BTBD10: variants seen among roughly 807,000 people sequenced by gnomAD.
BTBD10 encodes the protein BTB domain containing 10.
Under a neutral mutation model 53.2 loss-of-function variants are expected in BTBD10, and 21 were observed. That is an observed-to-expected ratio of 0.39 (90% CI 0.28 to 0.57). The LOEUF (loss-of-function observed/expected upper bound fraction) is 0.57, where lower values mean the gene tolerates loss of function less well. Ranked by LOEUF, BTBD10 falls within the 20% of genes least tolerant of loss-of-function variation. The probability of loss-of-function intolerance (pLI) is 0.53; values close to 1 mark genes in which losing one functional copy is unlikely to be tolerated. For synonymous variants in BTBD10, 149 were observed against 192.7 expected, an observed-to-expected ratio of 0.77 and a Z score of 1.88; for missense variants, 360 against 594.7, an observed-to-expected ratio of 0.61 and a Z score of 4.10.
chr11:13,443,913 A>G (rs1206208647), intron 2 of BTBD10, among the ~76,000 whole-genome samples: 2 of 152,090 alleles, frequency 1.3e-5, no homozygotes, highest in African/African-American at 4.8e-5. Context: ...CTAAATGACA[A>G]AATAATATCC....
At chr11:13,459,086 T>G (rs1355246780) in intron 1 of BTBD10, among the ~76,000 whole-genome samples, 1 of 149,502 alleles carries the variant, frequency 6.7e-6, no homozygotes, top group African/African-American at 2.5e-5. Flanking sequence ...AGACGGAGTC[T>G]CGCTCTGTCG....
chr11:13,408,987 A>T (rs755641669), intron 6 of BTBD10, among the ~76,000 whole-genome samples: 6 of 152,210 alleles, frequency 3.9e-5, no homozygotes, highest in Non-Finnish European at 7.4e-5. Flanking sequence ...AAATGGTACA[A>T]TGTGACAGCC....
chr11:13,396,218 G>C (rs1323694070), intron 8 of BTBD10, among the ~76,000 whole-genome samples: 5 of 152,004 alleles, frequency 3.3e-5, no homozygotes, highest in Non-Finnish European at 7.4e-5. Flanking sequence ...ATTTCACTGA[G>C]CAGTGGTTTG....
intron 8 of BTBD10, among the ~76,000 whole-genome samples, chr11:13,392,296 G>T (rs1949429347): frequency 6.6e-6 from 1 of 152,142 alleles, no homozygotes; most frequent in Non-Finnish European, 1.5e-5. Context: ...AGCAAGATTG[G>T]GATGGGCAGA....
intron 8 of BTBD10, among the ~76,000 whole-genome samples, chr11:13,397,729 C>G (rs1449496014): frequency 1.3e-5 from 2 of 152,184 alleles, no homozygotes; most frequent in Non-Finnish European, 2.9e-5. Flanking sequence ...CCCAGAGATT[C>G]TGGTATGTTG....
intron 2 of BTBD10, among the ~76,000 whole-genome samples, chr11:13,422,400 C>A (rs892791925): frequency 1.3e-5 from 2 of 152,142 alleles, no homozygotes; most frequent in South Asian, 2.1e-4. Flanking sequence ...GTAATCCCAA[C>A]GCTTTGGGAG....
intron 6 of BTBD10, among the ~76,000 whole-genome samples, chr11:13,407,667 T>C (rs555584767): frequency 2.0e-5 from 3 of 152,326 alleles, no homozygotes; most frequent in East Asian, 1.9e-4. Flanking sequence ...CTAAGCCACA[T>C]ACTTTTCTGC....
At chr11:13,454,481 CA>C (rs1427629951) in intron 1 of BTBD10, among the ~76,000 whole-genome samples, 1 of 152,142 alleles carries the variant, frequency 6.6e-6, no homozygotes, top group Non-Finnish European at 1.5e-5. Flanking sequence ...ACAGTTAAAA[CA>C]AGACAAGCTT....
chr11:13,404,453 T>A (rs1949774779), intron 7 of BTBD10: 1 of 197,004 alleles, frequency 5.1e-6, no homozygotes, highest in Non-Finnish European at 9.2e-6. Context: ...ATCATTTCTA[T>A]CTTCTATGGT....
chr11:13,455,706 C>T (rs1950951807), intron 1 of BTBD10, among the ~76,000 whole-genome samples: 1 of 152,170 alleles, frequency 6.6e-6, no homozygotes, highest in Admixed American at 6.5e-5. Flanking sequence ...AGGCAATGCT[C>T]CTGAAGCTGA....
intron 2 of BTBD10, among the ~76,000 whole-genome samples, chr11:13,431,128 T>C (rs899102418): frequency 1.1e-3 from 173 of 152,238 alleles, no homozygotes; most frequent in African/African-American, 3.9e-3. Context: ...ATAAAAGTCA[T>C]GCCTTTCTTC....
At chr11:13,391,929 C>T (rs1372551367) in intron 8 of BTBD10, among the ~76,000 whole-genome samples, 2 of 152,100 alleles carry the variant, frequency 1.3e-5, no homozygotes, top group African/African-American at 4.8e-5. Context: ...GGTGACAGAG[C>T]GAGACCCTGT....
intron 8 of BTBD10, 95 bp downstream of exon 8, chr11:13,403,073 C>G: frequency 2.5e-6 from 2 of 791,616 alleles, no homozygotes; most frequent in Non-Finnish European, 4.0e-6. Context: ...GAGTTTTTCT[C>G]AAAGTATTCC....
At chr11:13,432,230 G>A (rs1030515682) in intron 2 of BTBD10, among the ~76,000 whole-genome samples, 3 of 152,032 alleles carry the variant, frequency 2.0e-5, no homozygotes, top group Non-Finnish European at 4.4e-5. Flanking sequence ...AACTATAAAG[G>A]GGTAGCATAA....
intron 6 of BTBD10, among the ~76,000 whole-genome samples, chr11:13,409,369 G>A (rs1242476498): frequency 2.6e-5 from 4 of 152,216 alleles, no homozygotes; most frequent in Admixed American, 2.0e-4. Context: ...TTTCCCAATA[G>A]AGTGTACATT....
At chr11:13,461,481 T>C (rs1951095363) in intron 1 of BTBD10, among the ~76,000 whole-genome samples, 1 of 152,198 alleles carries the variant, frequency 6.6e-6, no homozygotes, top group Admixed American at 6.5e-5. Context: ...TTGTTGCTCA[T>C]GCTATGGCTT....
At chr11:13,405,439 A>T (rs2135774027) in intron 7 of BTBD10, 1 of 538,504 alleles carries the variant, frequency 1.9e-6, no homozygotes, top group South Asian at 2.2e-5. Flanking sequence ...CATATAATAA[A>T]TACTTTGGGC....
chr11:13,409,531 A>C (rs1178967073), intron 6 of BTBD10, among the ~76,000 whole-genome samples: 2 of 151,984 alleles, frequency 1.3e-5, no homozygotes, highest in East Asian at 3.9e-4. Flanking sequence ...CACCACTCAT[A>C]TTCCATCCCT....
At chr11:13,414,844 G>GAAA (rs71041526) in intron 5 of BTBD10, among the ~76,000 whole-genome samples, 43 of 85,098 alleles carry the variant, frequency 5.1e-4, no homozygotes, top group Non-Finnish European at 6.6e-4. Context: ...CATCTCAAAC[G>GAAA]AAAAAAAAAA....
Sources: allele counts gnomAD v4.1 joint callset (sites outside exome capture counted in the v4.1 genomes callset), GRCh38; gene constraint gnomAD v4.1.1; transcripts MANE v1.5; gene names NCBI Gene and HGNC (gene_info 2026-07-23, HGNC 2026-07-21).